Variants in LPP observed in about 807,000 individuals in gnomAD.
LPP encodes the protein LIM domain containing preferred translocation partner in lipoma.
A neutral mutation model predicts 60.4 loss-of-function variants in LPP; 38 were observed. The ratio of observed to expected loss-of-function variants is 0.63; its 90% CI spans 0.49 to 0.83. The LOEUF (loss-of-function observed/expected upper bound fraction) is 0.83. Ranked by LOEUF, LPP falls within the 40% of genes least tolerant of loss-of-function variation. The probability of loss-of-function intolerance (pLI) is 0.00; values close to 1 mark genes in which losing one functional copy is unlikely to be tolerated. For missense variants in LPP, 902 were observed against 783.6 expected, an observed-to-expected ratio of 1.15 and a Z score of -1.80; for synonymous variants, 328 against 290.8, an observed-to-expected ratio of 1.13 and a Z score of -1.30.
chr3:188,416,444 A>T (rs1472470259), intron 4 of LPP, among the ~76,000 whole-genome samples: 1 of 152,202 alleles, frequency 6.6e-6, no homozygotes, highest in Non-Finnish European at 1.5e-5. Context: ...CTTCCCGGGA[A>T]TTGTGATTGA....
intron 7 of LPP, among the ~76,000 whole-genome samples, chr3:188,618,309 C>T (rs568116676): frequency 1.3e-5 from 2 of 152,254 alleles, no homozygotes; most frequent in South Asian, 2.1e-4. Context: ...CAGAAGGTTG[C>T]TTCCTTAAAA....
chr3:188,753,272 T>C (rs946310732), intron 8 of LPP, among the ~76,000 whole-genome samples: 8 of 152,168 alleles, frequency 5.3e-5, no homozygotes, highest in Admixed American at 1.3e-4. Context: ...CAGATAAAAA[T>C]GCACAATAAT....
intron 6 of LPP, among the ~76,000 whole-genome samples, chr3:188,562,069 ACACAGACAC>A (rs376060622): frequency 0.43 from 65,141 of 151,718 alleles, 15,130 homozygotes; most frequent in East Asian, 0.92. Flanking sequence ...ACACAGACAC[ACACAGACAC>A]ACACACACAT....
At chr3:188,187,818 G>GT (rs1248089027) in intron 1 of LPP, among the ~76,000 whole-genome samples, 2 of 151,964 alleles carry the variant, frequency 1.3e-5, no homozygotes, top group African/African-American at 4.8e-5. Context: ...TTATCTGTTA[G>GT]TCATCATTAT....
intron 2 of LPP, among the ~76,000 whole-genome samples, chr3:188,292,838 G>A (rs142251582): frequency 6.6e-6 from 1 of 152,224 alleles, no homozygotes; most frequent in East Asian, 1.9e-4. Flanking sequence ...TTGACCCCTT[G>A]ACTTTCCATT....
intron 9 of LPP, among the ~76,000 whole-genome samples, chr3:188,803,935 A>G (rs893253094): frequency 6.6e-6 from 1 of 152,076 alleles, no homozygotes; most frequent in Non-Finnish European, 1.5e-5. Context: ...CCAGTTCATG[A>G]ATATACATGT....
intron 7 of LPP, among the ~76,000 whole-genome samples, chr3:188,652,968 G>A (rs1189525180): frequency 6.6e-6 from 1 of 152,060 alleles, no homozygotes; most frequent in African/African-American, 2.4e-5. Flanking sequence ...CTCTGTCTTG[G>A]GCCATGGAAC....
chr3:188,404,393 C>A (rs1422114803), intron 3 of LPP, among the ~76,000 whole-genome samples: 1 of 152,100 alleles, frequency 6.6e-6, no homozygotes, highest in Admixed American at 6.5e-5. Context: ...AACAGGTGTG[C>A]GCCATTATAT....
rs189515956 is a variant in LPP, at chr3:188,676,221, C to T, written c.1114-32046C>T. ...ATGGAATAATCTAGACAAAATCCTGCCTTGCACATAGTGGGGAGATACACT... is the reference window on the plus strand; with the variant it reads ...ATGGAATAATCTAGACAAAATCCTGTCTTGCACATAGTGGGGAGATACACT... On this transcript the variant is annotated intron_variant, in intron 7 of 11. Coordinates refer to ENST00000617246, the MANE Select transcript of LPP (RefSeq NM_001375462.1). 1.2e-3 allele frequency among the ~76,000 whole-genome samples: 188 copies of T among 152,260 alleles called. 3 individuals are homozygous for T. The highest frequency in any genetic ancestry group is 4.2e-3 in the African/African-American group (174 of 41,556).
intron 2 of LPP, among the ~76,000 whole-genome samples, chr3:188,316,369 G>A (rs1262851750): frequency 6.6e-6 from 1 of 152,140 alleles, no homozygotes; most frequent in Non-Finnish European, 1.5e-5. Flanking sequence ...GAGCCTAGAA[G>A]TTTGAGGTTA....
At chr3:188,164,116 T>C (rs1463756965) in intron 1 of LPP, among the ~76,000 whole-genome samples, 1 of 152,150 alleles carries the variant, frequency 6.6e-6, no homozygotes. Flanking sequence ...GAGAGGCGCA[T>C]GTGAAGGACT....
chr3:188,168,511 C>G (rs1287898633), intron 1 of LPP, among the ~76,000 whole-genome samples: 2 of 152,094 alleles, frequency 1.3e-5, no homozygotes, highest in African/African-American at 4.8e-5. Flanking sequence ...TCCTAGACCT[C>G]TCTAATGCTT....
chr3:188,428,016 G>C (rs1273783277), intron 4 of LPP, among the ~76,000 whole-genome samples: 1 of 152,120 alleles, frequency 6.6e-6, no homozygotes, highest in South Asian at 2.1e-4. Flanking sequence ...ACCCGGTTTT[G>C]TGCTTGAAAC....
chr3:188,454,040 A>G (rs1295946789), intron 4 of LPP, among the ~76,000 whole-genome samples: 1 of 152,240 alleles, frequency 6.6e-6, no homozygotes, highest in Non-Finnish European at 1.5e-5. Context: ...TATCCTAGGC[A>G]CTGTGTGACA....
At chr3:188,607,370 G>GATAGATAGATAT (rs1553941079) in intron 6 of LPP, among the ~76,000 whole-genome samples, 2 of 102,732 alleles carry the variant, frequency 1.9e-5, no homozygotes, top group African/African-American at 7.2e-5. Flanking sequence ...GAAAATAGAA[G>GATAGATAGATAT]ATATATATAT....
At chr3:188,659,280 C>T (rs558661230) in intron 7 of LPP, among the ~76,000 whole-genome samples, 3 of 152,262 alleles carry the variant, frequency 2.0e-5, no homozygotes, top group East Asian at 3.9e-4. Flanking sequence ...ACATGATTAT[C>T]AAAGTCAGGA....
At chr3:188,737,397 T>G (rs773624099) in intron 8 of LPP, among the ~76,000 whole-genome samples, 9 of 152,170 alleles carry the variant, frequency 5.9e-5, no homozygotes, top group Non-Finnish European at 1.0e-4. Context: ...AAAGAGCCCA[T>G]CCTAGTGTAC....
chr3:188,174,114 G>T (rs1722399234), intron 1 of LPP, among the ~76,000 whole-genome samples: 1 of 152,182 alleles, frequency 6.6e-6, no homozygotes, highest in Non-Finnish European at 1.5e-5. Context: ...TGAAAATCAG[G>T]AAATTCTCCC....
chr3:188,300,341 A>T (rs192469432), intron 2 of LPP, among the ~76,000 whole-genome samples: 31 of 152,234 alleles, frequency 2.0e-4, no homozygotes, highest in African/African-American at 6.5e-4. Context: ...TGATATATGC[A>T]CATGCATTTT....
Sources: allele counts gnomAD v4.1 joint callset (sites outside exome capture counted in the v4.1 genomes callset), GRCh38; gene constraint gnomAD v4.1.1; transcripts MANE v1.5; gene names NCBI Gene and HGNC (gene_info 2026-07-23, HGNC 2026-07-21).